The following PTPRD variants were observed in gnomAD, a reference collection of about 807,000 sequenced individuals.
PTPRD encodes the protein receptor-type tyrosine-protein phosphatase delta.
Under a neutral mutation model 214.5 loss-of-function variants are expected in PTPRD, and 34 were observed. The ratio of observed to expected loss-of-function variants is 0.16; its 90% CI spans 0.12 to 0.21. The LOEUF (loss-of-function observed/expected upper bound fraction) is 0.21, where lower values mean the gene tolerates loss of function less well. PTPRD is among the 10% of genes least tolerant of loss of function. The pLI is 1.00. For synonymous variants in PTPRD, 1,128 were observed against 845.7 expected, an observed-to-expected ratio of 1.33 and a Z score of -5.79; for missense variants, 2,545 against 2,398.7, an observed-to-expected ratio of 1.06 and a Z score of -1.27.
rs144911525 is a variant in PTPRD at position 10,281,407 on chromosome 9, G to C, written c.-545+59556C>G. 4.2e-3 allele frequency among the ~76,000 whole-genome samples: 635 copies of C among 152,304 alleles called. 8 individuals carry two copies. The highest frequency in any genetic ancestry group is 0.014 in the African/African-American group (587 of 41,566). Reference sequence around the variant, plus strand: ...AATGGATGAGATGAGGTGAAAGGCAGCCAGCATTCTATTCATGCTTTGCTT... The same window carrying C: ...AATGGATGAGATGAGGTGAAAGGCACCCAGCATTCTATTCATGCTTTGCTT... On this transcript the variant is annotated intron_variant, in intron 3 of 45. Coordinates refer to ENST00000381196, the MANE Select transcript of PTPRD (RefSeq NM_002839.4).
chr9:8,896,196 G>A (rs1018146714), intron 11 of PTPRD, among the ~76,000 whole-genome samples: 1 of 152,156 alleles, frequency 6.6e-6, no homozygotes, highest in Non-Finnish European at 1.5e-5. Flanking sequence ...TATATTGCAC[G>A]GAGAAAGCCT....
chr9:8,498,390 C>T (rs1219969091), intron 25 of PTPRD, among the ~76,000 whole-genome samples: 1 of 152,152 alleles, frequency 6.6e-6, no homozygotes, highest in East Asian at 1.9e-4. Context: ...ATTCTCCTGC[C>T]TCAGCCTCCC....
intron 26 of PTPRD, among the ~76,000 whole-genome samples, chr9:8,493,588 T>C (rs1469489355): frequency 6.6e-6 from 1 of 152,182 alleles, no homozygotes; most frequent in East Asian, 1.9e-4. Flanking sequence ...CTCTTATTAA[T>C]GGATTGTATT....
At chr9:10,346,225 T>C (rs1011964552) in intron 2 of PTPRD, among the ~76,000 whole-genome samples, 2 of 152,192 alleles carry the variant, frequency 1.3e-5, no homozygotes, top group Non-Finnish European at 2.9e-5. Flanking sequence ...TCCCTAGCTC[T>C]TAATGTCATC....
At chr9:9,239,363 T>C (rs2099969136) in intron 9 of PTPRD, among the ~76,000 whole-genome samples, 1 of 152,144 alleles carries the variant, frequency 6.6e-6, no homozygotes, top group South Asian at 2.1e-4. Flanking sequence ...GCATCAAATA[T>C]AATACAAACA....
At chr9:8,775,474 G>C (rs1480902505) in intron 11 of PTPRD, among the ~76,000 whole-genome samples, 1 of 152,112 alleles carries the variant, frequency 6.6e-6, no homozygotes, top group African/African-American at 2.4e-5. Context: ...AATTAGGTGA[G>C]ATGCAGTACA....
At chr9:9,499,279 A>G (rs2096315639) in intron 8 of PTPRD, among the ~76,000 whole-genome samples, 1 of 152,124 alleles carries the variant, frequency 6.6e-6, no homozygotes, top group South Asian at 2.1e-4. Flanking sequence ...CTTCTGAAAA[A>G]TTGAAAAGAC....
intron 2 of PTPRD, among the ~76,000 whole-genome samples, chr9:10,432,644 C>G (rs930580767): frequency 2.0e-5 from 3 of 151,892 alleles, no homozygotes; most frequent in Admixed American, 6.6e-5. Flanking sequence ...GTATTACAAC[C>G]TGATCATTGA....
At chr9:9,975,149 T>C (rs2095306952) in intron 4 of PTPRD, among the ~76,000 whole-genome samples, 1 of 152,160 alleles carries the variant, frequency 6.6e-6, no homozygotes, top group Non-Finnish European at 1.5e-5. Context: ...CACATTATTA[T>C]GTTGACAGCT....
intron 21 of PTPRD, among the ~76,000 whole-genome samples, chr9:8,510,461 G>A (rs1313550484): frequency 6.6e-6 from 1 of 152,202 alleles, no homozygotes; most frequent in Non-Finnish European, 1.5e-5. Flanking sequence ...AGTGACAGCA[G>A]GTTGCTGCCT....
chr9:9,710,975 C>T (rs989883013), intron 7 of PTPRD, among the ~76,000 whole-genome samples: 7 of 149,390 alleles, frequency 4.7e-5, no homozygotes, highest in South Asian at 4.2e-4. Flanking sequence ...CGAGAGAGAG[C>T]GTGTGTGTGT....
At position 9,027,615 on chromosome 9, in the gene PTPRD, G is replaced by A. The variant is rs1400802851; in HGVS notation, c.-142-8880C>T. Reference sequence around the variant, plus strand: ...ATATTTGTATCATAAAAATCTTCAGGACCTATCTATCAAGAGGTCTTAATA... The same window carrying A: ...ATATTTGTATCATAAAAATCTTCAGAACCTATCTATCAAGAGGTCTTAATA... On this transcript the variant is annotated intron_variant, in intron 10 of 45. Coordinates refer to ENST00000381196, the MANE Select transcript of PTPRD (RefSeq NM_002839.4). 4.0e-5 allele frequency among the ~76,000 whole-genome samples: 6 copies of A among 151,684 alleles called. No homozygotes were observed. The East Asian group carries it at 9.7e-4, about 25-fold the overall frequency.
chr9:8,838,292 T>C (rs571783098), intron 11 of PTPRD, among the ~76,000 whole-genome samples: 3 of 151,818 alleles, frequency 2.0e-5, no homozygotes, highest in African/African-American at 7.2e-5. Context: ...GGAAGGACAG[T>C]TCGGTGCATC....
At chr9:8,731,829 A>T (rs1240363235) in intron 12 of PTPRD, among the ~76,000 whole-genome samples, 1 of 152,218 alleles carries the variant, frequency 6.6e-6, no homozygotes, top group East Asian at 1.9e-4. Flanking sequence ...GTGAAAAGGA[A>T]AATATACTAC....
intron 11 of PTPRD, among the ~76,000 whole-genome samples, chr9:8,943,726 C>T (rs114243223): frequency 6.7e-6 from 1 of 150,144 alleles, no homozygotes; most frequent in Admixed American, 6.6e-5. Context: ...AAACTAGAAC[C>T]CTATCTCTTG....
At chr9:9,603,800 A>G (rs574782450) in intron 7 of PTPRD, among the ~76,000 whole-genome samples, 1 of 152,172 alleles carries the variant, frequency 6.6e-6, no homozygotes, top group Admixed American at 6.6e-5. Flanking sequence ...AAGTATATAG[A>G]AATCCTAGAA....
intron 3 of PTPRD, among the ~76,000 whole-genome samples, chr9:10,078,305 G>A (rs2098168909): frequency 6.8e-6 from 1 of 147,466 alleles, no homozygotes; most frequent in Non-Finnish European, 1.5e-5. Context: ...GAGGTCAGAA[G>A]TTCGAGACCA....
intron 3 of PTPRD, among the ~76,000 whole-genome samples, chr9:10,076,346 C>A (rs72694823): frequency 0.036 from 5,483 of 152,150 alleles, 172 homozygotes; most frequent in Admixed American, 0.093. Flanking sequence ...TAAACCTTAT[C>A]TCTGTGGGAA....
chr9:8,673,550 G>T (rs887991223), intron 12 of PTPRD, among the ~76,000 whole-genome samples: 2 of 151,884 alleles, frequency 1.3e-5, no homozygotes, highest in Admixed American at 1.3e-4. Context: ...CAGACAGCTG[G>T]GTAATGGTTA....
Sources: allele counts gnomAD v4.1 joint callset (sites outside exome capture counted in the v4.1 genomes callset), GRCh38; gene constraint gnomAD v4.1.1; transcripts MANE v1.5; gene names NCBI Gene and HGNC (gene_info 2026-07-23, HGNC 2026-07-21).